ADAMTS6: variants seen among roughly 807,000 people sequenced by gnomAD.
The protein encoded by ADAMTS6 is A disintegrin and metalloproteinase with thrombospondin motifs 6.
ADAMTS6 carries 23 observed loss-of-function variants against 144.3 expected under a neutral mutation model. That is an observed-to-expected ratio of 0.16 (90% confidence interval 0.11 to 0.23). The LOEUF (loss-of-function observed/expected upper bound fraction) is 0.23, where lower values mean the gene tolerates loss of function less well. ADAMTS6 is among the 10% of genes least tolerant of loss of function. The pLI, the probability that ADAMTS6 is intolerant of heterozygous loss-of-function variation, is 1.00. For synonymous variants in ADAMTS6, 444 were observed against 457.5 expected (o/e 0.97, Z 0.38); for missense variants, 999 against 1,379.6 (o/e 0.72, Z 4.37).
intron 1 of ADAMTS6, among the ~76,000 whole-genome samples, chr5:65,477,041 T>G (rs975494198): frequency 6.6e-6 from 1 of 152,332 alleles, no homozygotes; most frequent in South Asian, 2.1e-4. Flanking sequence ...CTTTCTCAGG[T>G]AAAAATTTAT....
chr5:65,420,785 C>G (rs1755964447), intron 7 of ADAMTS6, among the ~76,000 whole-genome samples: 1 of 150,308 alleles, frequency 6.7e-6, no homozygotes, highest in Non-Finnish European at 1.5e-5. Flanking sequence ...GACTTAGAGT[C>G]AAATGGTAAA....
At chr5:65,278,241 T>C (rs1022774271) in intron 11 of ADAMTS6, among the ~76,000 whole-genome samples, 1 of 152,202 alleles carries the variant, frequency 6.6e-6, no homozygotes, top group African/African-American at 2.4e-5. Flanking sequence ...GGCACTTAGA[T>C]TGGTTCCACA....
chr5:65,303,460 T>C (rs1043774052), intron 9 of ADAMTS6, among the ~76,000 whole-genome samples: 1 of 152,082 alleles, frequency 6.6e-6, no homozygotes. Flanking sequence ...TATTTATTTA[T>C]CAAAATTTGT....
Position 65,162,886 on chromosome 5 carries a change from G to T in ADAMTS6, c.3244+7731C>A, listed in dbSNP as rs139765539. 2.8e-4 allele frequency among the ~76,000 whole-genome samples: 43 copies of T among 152,214 alleles called. 1 individual carries two copies. In the Middle Eastern group the frequency reaches 0.02, roughly 72 times the overall value. On this transcript the variant is annotated intron_variant, in intron 24 of 24. Coordinates refer to ENST00000381055, the MANE Select transcript of ADAMTS6 (RefSeq NM_197941.4). ...AGAAATCATTTGCTGGAGTCTTACA[G>T]AAGACAGATTTTGTTCTGTTTTGTT...
At chr5:65,327,099 A>G (rs1746242668) in intron 9 of ADAMTS6, among the ~76,000 whole-genome samples, 2 of 152,116 alleles carry the variant, frequency 1.3e-5, no homozygotes, top group African/African-American at 4.8e-5. Context: ...TTCTTGCTCT[A>G]TGAGTTCACA....
chr5:65,225,739 T>C (rs1263393110), intron 16 of ADAMTS6, among the ~76,000 whole-genome samples: 3 of 152,320 alleles, frequency 2.0e-5, no homozygotes, highest in African/African-American at 4.8e-5. Flanking sequence ...AAAGAACATA[T>C]GGTAGAAATA....
chr5:65,309,102 G>C (rs985974856), intron 9 of ADAMTS6, among the ~76,000 whole-genome samples: 3 of 149,592 alleles, frequency 2.0e-5, no homozygotes, highest in African/African-American at 7.3e-5. Context: ...CTTTTCCACA[G>C]ACCAGGGTGG....
At chr5:65,457,942 G>T (rs955400300) in intron 4 of ADAMTS6, among the ~76,000 whole-genome samples, 1 of 151,530 alleles carries the variant, frequency 6.6e-6, no homozygotes, top group Non-Finnish European at 1.5e-5. Context: ...GGCCAGGATG[G>T]TCTCGATCTC....
intron 7 of ADAMTS6, among the ~76,000 whole-genome samples, chr5:65,349,202 T>A (rs1245255721): frequency 6.6e-6 from 1 of 152,122 alleles, no homozygotes; most frequent in African/African-American, 2.4e-5. Context: ...AGTAGGGTCT[T>A]TTAAGTCTAG....
At chr5:65,218,935 A>G (rs1185425346) in intron 18 of ADAMTS6, among the ~76,000 whole-genome samples, 3 of 152,192 alleles carry the variant, frequency 2.0e-5, no homozygotes, top group African/African-American at 7.2e-5. Flanking sequence ...GATAAATTAA[A>G]AACGCATTTT....
At chr5:65,445,495 G>A (rs527430453) in intron 7 of ADAMTS6, among the ~76,000 whole-genome samples, 7 of 152,012 alleles carry the variant, frequency 4.6e-5, no homozygotes, top group Admixed American at 1.3e-4. Flanking sequence ...GTGCCACCAC[G>A]CCCGACTAAT....
At chr5:65,325,798 T>C (rs765544985) in intron 9 of ADAMTS6, among the ~76,000 whole-genome samples, 13 of 152,156 alleles carry the variant, frequency 8.5e-5, no homozygotes, top group Non-Finnish European at 1.8e-4. Flanking sequence ...TGACTACAAA[T>C]TGTAATACTT....
intron 7 of ADAMTS6, among the ~76,000 whole-genome samples, chr5:65,365,847 T>G (rs1337330572): frequency 6.6e-6 from 1 of 152,174 alleles, no homozygotes; most frequent in Non-Finnish European, 1.5e-5. Flanking sequence ...AAGTAAAATG[T>G]GTCTTTGCCT....
intron 9 of ADAMTS6, among the ~76,000 whole-genome samples, chr5:65,303,451 ATTT>A (rs1440072621): frequency 6.6e-6 from 1 of 152,078 alleles, no homozygotes; most frequent in Admixed American, 6.6e-5. Flanking sequence ...TTACTTATGT[ATTT>A]ATTTATCAAA....
intron 18 of ADAMTS6, among the ~76,000 whole-genome samples, chr5:65,223,283 A>G (rs1757463744): frequency 1.3e-5 from 2 of 152,236 alleles, no homozygotes; most frequent in Admixed American, 1.3e-4. Context: ...TGAAATGAAT[A>G]CCACAATCAA....
chr5:65,451,234 T>A, intron 7 of ADAMTS6: 1 of 399,688 alleles, frequency 2.5e-6, no homozygotes, highest in East Asian at 5.2e-5. Flanking sequence ...AACTTATCAG[T>A]AGGAGGAAAG....
intron 11 of ADAMTS6, among the ~76,000 whole-genome samples, chr5:65,287,136 C>A (rs995267715): frequency 6.6e-6 from 1 of 152,082 alleles, no homozygotes; most frequent in African/African-American, 2.4e-5. Context: ...TTTGCAGGTA[C>A]CTTGAAGACG....
chr5:65,175,408 C>CA (rs998635730), intron 22 of ADAMTS6, among the ~76,000 whole-genome samples: 53 of 142,660 alleles, frequency 3.7e-4, no homozygotes, highest in Admixed American at 3.2e-3. Flanking sequence ...GAAAAAAAAA[C>CA]AGTGTACCCT....
intron 14 of ADAMTS6, among the ~76,000 whole-genome samples, chr5:65,242,930 T>G (rs530223919): frequency 1.3e-5 from 2 of 152,148 alleles, no homozygotes; most frequent in Admixed American, 6.5e-5. Flanking sequence ...GTTCCTTCTA[T>G]TCAGAAATGC....
Sources: gnomAD v4.1 joint callset for allele counts (sites outside exome capture counted in the v4.1 genomes callset) on GRCh38, gnomAD v4.1.1 for gene constraint, MANE v1.5 for transcripts, NCBI Gene and HGNC (gene_info 2026-07-23, HGNC 2026-07-21) for gene names.